The following PIEZO2 variants were observed in gnomAD, a reference collection of about 807,000 sequenced individuals.
The protein encoded by PIEZO2 is piezo type mechanosensitive ion channel component 2.
In PIEZO2, 172 loss-of-function variants were observed where a neutral mutation model predicts 337.3. The ratio of observed to expected loss-of-function variants is 0.51; its 90% CI spans 0.45 to 0.58. PIEZO2 has a LOEUF of 0.58. Among genes scored for constraint, PIEZO2 ranks in the 20% least tolerant of loss-of-function variants. The pLI is 0.00. For missense variants in PIEZO2, 3,028 were observed against 3,391.3 expected (o/e 0.89, Z 2.66); for synonymous variants, 1,251 against 1,228.5 (o/e 1.02, Z -0.38).
intron 3 of PIEZO2, among the ~76,000 whole-genome samples, chr18:10,975,463 G>A (rs2034406757): frequency 6.6e-6 from 1 of 151,726 alleles, no homozygotes; most frequent in South Asian, 2.1e-4. Context: ...TAAGAACACT[G>A]TTCTGGAAAT....
intron 4 of PIEZO2, among the ~76,000 whole-genome samples, chr18:10,882,338 G>A (rs1357756232): frequency 6.6e-6 from 1 of 152,100 alleles, no homozygotes; most frequent in African/African-American, 2.4e-5. Context: ...GTTACCCCCG[G>A]CCCAACTTGA....
At position 10,765,155 on chromosome 18, in the gene PIEZO2, G is replaced by T. The variant is rs1458558166; in HGVS notation, c.2947-2057C>A. 3.3e-5 allele frequency among the ~76,000 whole-genome samples: 5 copies of T among 152,240 alleles called. No individual in the cohort carries two copies. The South Asian group carries it at 1.0e-3, about 31-fold the overall frequency. On this transcript the variant is annotated intron_variant, in intron 21 of 55. Coordinates refer to ENST00000674853, the MANE Select transcript of PIEZO2 (RefSeq NM_001378183.1). ...AGGAGGCATGTGGGAGGGACAGATGGAGGCACACAGGCACTTGGTGACAGC... is the reference window on the plus strand; with the variant it reads ...AGGAGGCATGTGGGAGGGACAGATGTAGGCACACAGGCACTTGGTGACAGC...
At position 11,129,612 on chromosome 18, in the gene PIEZO2, G is replaced by A. The variant is rs1239143340; in HGVS notation, c.64+18913C>T. 6.6e-6 allele frequency among the ~76,000 whole-genome samples: 1 copy of A among 152,162 alleles called. No homozygotes were observed. The highest frequency in any genetic ancestry group is 1.5e-5 in the Non-Finnish European group (1 of 68,032). On this transcript the variant is annotated intron_variant, in intron 1 of 55. Coordinates refer to ENST00000674853, the MANE Select transcript of PIEZO2 (RefSeq NM_001378183.1). This position sits in a 1 kb window ranked among gnomAD's most constrained non-coding sequence, Gnocchi z 4.6. ...CCCAGAACCCCTTGAATGAAGGGGA[G>A]GCTGAGTCCCCTTGAGGAAGAACCC... is the stretch of plus-strand genomic sequence containing the variant.
intron 4 of PIEZO2, among the ~76,000 whole-genome samples, chr18:10,897,630 CCT>C: frequency 6.6e-6 from 1 of 152,296 alleles, no homozygotes; most frequent in African/African-American, 2.4e-5. Context: ...GTCCATTAAA[CCT>C]CTCTTTCTTT....
intron 2 of PIEZO2, among the ~76,000 whole-genome samples, chr18:10,991,403 C>G (rs2035096911): frequency 1.3e-5 from 2 of 148,416 alleles, no homozygotes; most frequent in African/African-American, 5.0e-5. Flanking sequence ...CCGACAGGCC[C>G]TGATGTGTGA....
chr18:11,059,367 G>C (rs1250846517), intron 2 of PIEZO2, among the ~76,000 whole-genome samples: 2 of 152,258 alleles, frequency 1.3e-5, no homozygotes, highest in East Asian at 3.9e-4. Flanking sequence ...AAAATAACCA[G>C]CTAACATCAT....
chr18:10,995,509 G>A (rs1460482617), intron 2 of PIEZO2, among the ~76,000 whole-genome samples: 1 of 152,130 alleles, frequency 6.6e-6, no homozygotes, highest in Non-Finnish European at 1.5e-5. Flanking sequence ...AAGAAATCAA[G>A]CTAAATGAGT....
Position 10,758,477 on chromosome 18 carries a change from G to A in PIEZO2, c.3758-343C>T, listed in dbSNP as rs567491353. 4.8e-3 allele frequency among the ~76,000 whole-genome samples: 722 copies of A among 151,948 alleles called. 5 individuals carry two copies. Among genetic ancestry groups the A allele is most frequent in the African/African-American group, 0.016 (683 of 41,446 alleles). The stretch of plus-strand genomic sequence containing the variant: ...GTGTGTGTGTGTGAGACAGAGTCTC[G>A]CTCTGTCGCCCAGGCTGGAGTGCAG... On this transcript the variant is annotated intron_variant, in intron 26 of 55. Transcript: ENST00000674853.
chr18:10,890,985 C>CT (rs202101206), intron 4 of PIEZO2, among the ~76,000 whole-genome samples: 203 of 151,790 alleles, frequency 1.3e-3, no homozygotes, highest in African/African-American at 4.8e-3. Flanking sequence ...GTAAGAGTAA[C>CT]TTTTTTTTTC....
intron 3 of PIEZO2, among the ~76,000 whole-genome samples, chr18:10,921,599 G>C (rs896160349): frequency 3.3e-5 from 5 of 152,108 alleles, no homozygotes; most frequent in African/African-American, 1.2e-4. Flanking sequence ...TGTAGAGCAT[G>C]TGTGTTTGAA....
chr18:10,675,002 T>C (rs985285918), intron 54 of PIEZO2, among the ~76,000 whole-genome samples: 2 of 152,322 alleles, frequency 1.3e-5, no homozygotes, highest in South Asian at 2.1e-4. Context: ...TCCATATCTA[T>C]GAAAAAGAGA....
Position 10,775,653 on chromosome 18 carries a change from C to G in PIEZO2, c.2535-1615G>C, listed in dbSNP as rs1403714372. 6.6e-6 allele frequency among the ~76,000 whole-genome samples: 1 copy of G among 152,216 alleles called. No individual in the cohort carries two copies. The highest frequency in any genetic ancestry group is 2.1e-4 in the South Asian group (1 of 4,832). On this transcript the variant is annotated intron_variant, in intron 18 of 55. Coordinates refer to ENST00000674853, the MANE Select transcript of PIEZO2 (RefSeq NM_001378183.1). This position sits in a 1 kb window ranked among gnomAD's most constrained non-coding sequence, Gnocchi z 4.3. ...CAGATGTCCTTAAGCAACGATGCCC[C>G]CAAACTGCCATGCCACAGGCAGGGT... is the stretch of plus-strand genomic sequence containing the variant.
At chr18:10,989,723 G>T (rs972105422) in intron 2 of PIEZO2, among the ~76,000 whole-genome samples, 5 of 152,054 alleles carry the variant, frequency 3.3e-5, no homozygotes, top group African/African-American at 1.2e-4. Context: ...ATCTGAGGGG[G>T]AAATATGTTT....
chr18:11,113,382 C>A (rs1328478302), intron 1 of PIEZO2, among the ~76,000 whole-genome samples: 1 of 152,190 alleles, frequency 6.6e-6, no homozygotes, highest in East Asian at 1.9e-4. Flanking sequence ...ACAACTTGAC[C>A]AAACTTTAAT....
At chr18:10,805,909 C>T (rs535658969) in intron 8 of PIEZO2, among the ~76,000 whole-genome samples, 55 of 152,326 alleles carry the variant, frequency 3.6e-4, no homozygotes, top group African/African-American at 1.2e-3. Flanking sequence ...CGGAGCCATG[C>T]GCCTCCTGCA....
Position 10,850,759 on chromosome 18 carries a change from A to G in PIEZO2, c.917+4594T>C, listed in dbSNP as rs1459603981. Among the ~76,000 whole-genome samples the G allele has an allele frequency of 6.6e-6, 1 of 152,226 alleles. No homozygotes were observed. Among genetic ancestry groups the G allele is most frequent in the Non-Finnish European group, 1.5e-5 (1 of 68,036 alleles). ...GTTTGTAAAAAGTACCTATAGACAT[A>G]AGAAAGATTCTGAAAAAAATTTGGC... On this transcript the variant is annotated intron_variant, in intron 7 of 55. Transcript: ENST00000674853. This position sits in a 1 kb window ranked among gnomAD's most constrained non-coding sequence, Gnocchi z 4.5.
chr18:10,795,213 A>G lies in PIEZO2; in HGVS notation c.1528-211T>C, dbSNP rs1414932226. Among the ~76,000 whole-genome samples, 1 of 152,210 alleles carries G rather than the reference A, an allele frequency of 6.6e-6. No individual in the cohort carries two copies. Among genetic ancestry groups the G allele is most frequent in the African/African-American group, 2.4e-5 (1 of 41,444 alleles). ...AAAGCTTTAACATTGTAGCTCCATT[A>G]ACACAGCAGAATGGTACCGGACAAG... On this transcript the variant is annotated intron_variant, in intron 12 of 55. Transcript: ENST00000674853. The surrounding 1 kb of genome is among the most constrained non-coding windows in gnomAD (Gnocchi z 4.4).
Position 11,078,138 on chromosome 18 carries a change from A to C in PIEZO2, c.65-11916T>G, listed in dbSNP as rs2038617026. ...ATACACACCATACACACACATACAC[A>C]CACACTCACCACACACACACATACA... On this transcript the variant is annotated intron_variant, in intron 1 of 55. Coordinates refer to ENST00000674853, the MANE Select transcript of PIEZO2 (RefSeq NM_001378183.1). The surrounding 1 kb of genome is among the most constrained non-coding windows in gnomAD (Gnocchi z 5.3). Among the ~76,000 whole-genome samples, 1 of 146,556 alleles carries C rather than the reference A, an allele frequency of 6.8e-6. No individual in the cohort carries two copies. The highest frequency in any genetic ancestry group is 2.1e-4 in the South Asian group (1 of 4,718).
At chr18:10,968,016 T>C (rs2034082909) in intron 3 of PIEZO2, among the ~76,000 whole-genome samples, 1 of 152,210 alleles carries the variant, frequency 6.6e-6, no homozygotes, top group African/African-American at 2.4e-5. Context: ...TTCTTGGTCA[T>C]GAAGTCTTTG....
Sources: allele counts gnomAD v4.1 joint callset (sites outside exome capture counted in the v4.1 genomes callset), GRCh38; gene constraint gnomAD v4.1.1; non-coding constraint Gnocchi (gnomAD v3.1); transcripts MANE v1.5; gene names NCBI Gene and HGNC (gene_info 2026-07-23, HGNC 2026-07-21).